The following LOC128462377 variants were observed in gnomAD, a reference collection of about 807,000 sequenced individuals.
the LOC128462377 span, among the ~76,000 whole-genome samples, chr16:89,333,552 C>T: frequency 6.6e-6 from 1 of 152,254 alleles, no homozygotes; most frequent in African/African-American, 2.4e-5. Context: ...CCCCTGGCGT[C>T]ACTGATCTTT....
At chr16:89,359,080 T>C in the LOC128462377 span, among the ~76,000 whole-genome samples, 2 of 152,298 alleles carry the variant, frequency 1.3e-5, no homozygotes, top group Non-Finnish European at 2.9e-5. Flanking sequence ...AAAGCCTTTC[T>C]CTGCTTCAAA....
the LOC128462377 span, chr16:89,329,000 C>T: frequency 6.6e-5 from 9 of 137,364 alleles, 1 homozygote; most frequent in East Asian, 1.8e-3. Context: ...CATACCCAGG[C>T]GCACGGGCGA....
chr16:89,356,896 G>C, the LOC128462377 span, among the ~76,000 whole-genome samples: 1 of 152,214 alleles, frequency 6.6e-6, no homozygotes, highest in African/African-American at 2.4e-5. Flanking sequence ...CCCAGGCCCT[G>C]TGGCTGTAAT....
At chr16:89,415,144 C>T in the LOC128462377 span, among the ~76,000 whole-genome samples, 3 of 151,142 alleles carry the variant, frequency 2.0e-5, no homozygotes, top group Admixed American at 1.3e-4. Flanking sequence ...TGTAGAGATG[C>T]GGTCTCGTCA....
the LOC128462377 span, among the ~76,000 whole-genome samples, chr16:89,374,775 A>G: frequency 6.6e-6 from 1 of 152,214 alleles, no homozygotes; most frequent in Non-Finnish European, 1.5e-5. Flanking sequence ...GAACGTGGAC[A>G]CACACGTGTG....
At chr16:89,394,642 AC>A in the LOC128462377 span, among the ~76,000 whole-genome samples, 5 of 148,194 alleles carry the variant, frequency 3.4e-5, no homozygotes, top group East Asian at 2.0e-4. Context: ...AAAAAAAAAA[AC>A]AAACAACCTT....
the LOC128462377 span, among the ~76,000 whole-genome samples, chr16:89,346,090 A>T: frequency 4.6e-5 from 7 of 151,782 alleles, no homozygotes; most frequent in African/African-American, 1.7e-4. Flanking sequence ...AACAACACAA[A>T]AAAAAAAAAT....
At chr16:89,364,635 C>A in the LOC128462377 span, among the ~76,000 whole-genome samples, 1 of 152,192 alleles carries the variant, frequency 6.6e-6, no homozygotes. Flanking sequence ...ATAAAATACA[C>A]CAATGCTAAC....
chr16:89,380,915 G>C, the LOC128462377 span, among the ~76,000 whole-genome samples: 2 of 152,236 alleles, frequency 1.3e-5, no homozygotes, highest in African/African-American at 4.8e-5. Flanking sequence ...AGCTGAGGCA[G>C]GCAGACGGAG....
chr16:89,370,169 C>T, the LOC128462377 span, among the ~76,000 whole-genome samples: 27 of 152,372 alleles, frequency 1.8e-4, no homozygotes, highest in East Asian at 5.8e-4. Flanking sequence ...TTCTTCCCCA[C>T]GCCCCTCCCT....
chr16:89,320,607 G>A, the LOC128462377 span, among the ~76,000 whole-genome samples: 7 of 152,162 alleles, frequency 4.6e-5, no homozygotes, highest in Admixed American at 6.5e-5. Context: ...CAGGGTCACC[G>A]AGAGTCCAGG....
At chr16:89,369,844 C>T in the LOC128462377 span, among the ~76,000 whole-genome samples, 2 of 152,318 alleles carry the variant, frequency 1.3e-5, no homozygotes, top group Admixed American at 6.5e-5. Context: ...ACTGGGGAAG[C>T]TTGGCAATGT....
the LOC128462377 span, among the ~76,000 whole-genome samples, chr16:89,317,329 A>G: frequency 2.6e-5 from 4 of 152,220 alleles, no homozygotes; most frequent in African/African-American, 9.7e-5. Flanking sequence ...TAGTGGCAGA[A>G]AGGGACGCAT....
the LOC128462377 span, among the ~76,000 whole-genome samples, chr16:89,417,218 C>A: frequency 6.6e-6 from 1 of 152,144 alleles, no homozygotes; most frequent in Non-Finnish European, 1.5e-5. Context: ...AACAGATACA[C>A]CAAACTATGA....
the LOC128462377 span, chr16:89,324,651 T>C: frequency 1.3e-5 from 5 of 381,338 alleles, no homozygotes; most frequent in East Asian, 1.5e-4. Flanking sequence ...CCAGCCTCCA[T>C]CTTTCTTCCA....
chr16:89,354,910 T>C, the LOC128462377 span, among the ~76,000 whole-genome samples: 1 of 152,110 alleles, frequency 6.6e-6, no homozygotes, highest in Non-Finnish European at 1.5e-5. Context: ...GTGAGTGGCC[T>C]GGAAGCTCGT....
the LOC128462377 span, among the ~76,000 whole-genome samples, chr16:89,319,710 G>A: frequency 6.6e-6 from 1 of 152,266 alleles, no homozygotes; most frequent in Non-Finnish European, 1.5e-5. Context: ...GGATGTGGAT[G>A]AAGCTGGTTT....
At chr16:89,413,934 T>C in the LOC128462377 span, among the ~76,000 whole-genome samples, 1 of 151,994 alleles carries the variant, frequency 6.6e-6, no homozygotes, top group South Asian at 2.1e-4. Context: ...ACCTCCAACC[T>C]GGCCACCCAG....
chr16:89,378,175 G>A, the LOC128462377 span, among the ~76,000 whole-genome samples: 2 of 152,134 alleles, frequency 1.3e-5, no homozygotes, highest in East Asian at 1.9e-4. Context: ...CATGGCAAGC[G>A]AGACTCTGTC....
Sources: allele counts gnomAD v4.1 joint callset (sites outside exome capture counted in the v4.1 genomes callset), GRCh38; gene constraint gnomAD v4.1.1; transcripts MANE v1.5.